Variants in PDE4D observed in about 807,000 individuals in gnomAD.
The protein encoded by PDE4D is phosphodiesterase 4D, also known as 3',5'-cyclic-AMP phosphodiesterase 4D.
Under a neutral mutation model 87.4 loss-of-function variants are expected in PDE4D, and 24 were observed. The ratio of observed to expected loss-of-function variants is 0.27; its 90% CI spans 0.20 to 0.39. The LOEUF is 0.39. PDE4D is among the 10% of genes least tolerant of loss of function. The probability of loss-of-function intolerance (pLI) is 1.00; values close to 1 mark genes in which losing one functional copy is unlikely to be tolerated. For synonymous variants in PDE4D, 384 were observed against 383.2 expected, an observed-to-expected ratio of 1.00 and a Z score of -0.02; for missense variants, 714 against 1,041.0, an observed-to-expected ratio of 0.69 and a Z score of 4.32.
intron 1 of PDE4D, among the ~76,000 whole-genome samples, chr5:60,260,394 T>TA (rs930261181): frequency 1.1e-4 from 16 of 152,046 alleles, no homozygotes; most frequent in African/African-American, 2.2e-4. Flanking sequence ...TTTTATTTTT[T>TA]AAAAAAATCA....
At chr5:59,880,261 C>T (rs997429911) in intron 1 of PDE4D, among the ~76,000 whole-genome samples, 3 of 152,052 alleles carry the variant, frequency 2.0e-5, no homozygotes, top group Non-Finnish European at 2.9e-5. Context: ...AGGTGCACGC[C>T]ACCACACCCA....
chr5:59,041,100 A>C (rs535024782), intron 5 of PDE4D, among the ~76,000 whole-genome samples: 1 of 152,286 alleles, frequency 6.6e-6, no homozygotes, highest in South Asian at 2.1e-4. Context: ...ATGGACAAAC[A>C]ACTGCCTAAA....
chr5:60,063,095 G>GAAAGAAAGAAGAAAGA (rs1554144202), intron 2 of PDE4D, among the ~76,000 whole-genome samples: 1 of 97,220 alleles, frequency 1.0e-5, no homozygotes, highest in Non-Finnish European at 2.1e-5. Flanking sequence ...AAGAAAGAAA[G>GAAAGAAAGAAGAAAGA]AAGAAAGAAA....
rs35457740 is a variant in PDE4D at position 59,570,646 on chromosome 5, CAA to C, written c.455+322520_455+322521del. Among the ~76,000 whole-genome samples, 858 of 147,064 alleles carry C rather than the reference CAA, an allele frequency of 5.8e-3. 9 individuals are homozygous for C. The highest frequency in any genetic ancestry group is 0.056 in the East Asian group (280 of 5,042). ...GGAGTATACAATGTTGACAAATATG[CAA>C]AAAAAAAAAAATTGCAAAACTCCAA... On this transcript the variant is annotated intron_variant, in intron 1 of 14. Transcript: ENST00000340635.
rs867111298 is a variant in PDE4D, at chr5:59,667,735, A to G, written c.455+225433T>C. The stretch of plus-strand genomic sequence containing the variant: ...TCTGTCCCTGAGTCTTTCCATATCT[A>G]TAGTCATCAAACTTAGCTCCACATT... On this transcript the variant is annotated intron_variant, in intron 1 of 14. Transcript: ENST00000340635. Among the ~76,000 whole-genome samples the G allele has an allele frequency of 2.0e-5, 3 of 152,124 alleles. No homozygotes were observed. The South Asian group carries it at 6.2e-4, about 32-fold the overall frequency.
At chr5:59,602,257 A>G (rs1827616887) in intron 1 of PDE4D, among the ~76,000 whole-genome samples, 1 of 152,076 alleles carries the variant, frequency 6.6e-6, no homozygotes, top group African/African-American at 2.4e-5. Context: ...AATTAAGTAT[A>G]GAAGGAATGT....
intron 1 of PDE4D, among the ~76,000 whole-genome samples, chr5:60,331,125 A>G (rs1757278135): frequency 6.6e-6 from 1 of 152,252 alleles, no homozygotes; most frequent in African/African-American, 2.4e-5. Context: ...CTGGGAAATT[A>G]TAAAAGCAAA....
At chr5:60,147,832 C>T (rs369183795) in intron 2 of PDE4D, 2 of 453,348 alleles carry the variant, frequency 4.4e-6, no homozygotes, top group East Asian at 1.4e-4. Flanking sequence ...CCATAGGCTG[C>T]TTGAGTGTCT....
chr5:59,006,507 A>T (rs536062164), intron 6 of PDE4D, among the ~76,000 whole-genome samples: 29 of 152,128 alleles, frequency 1.9e-4, no homozygotes, highest in Non-Finnish European at 3.4e-4. Flanking sequence ...GCTTGAGGCC[A>T]GGAGTTTAAG....
chr5:59,628,433 T>C (rs1831161899), intron 1 of PDE4D, among the ~76,000 whole-genome samples: 1 of 152,242 alleles, frequency 6.6e-6, no homozygotes, highest in Non-Finnish European at 1.5e-5. Flanking sequence ...TAGCCACTAA[T>C]GGATATTTAA....
At chr5:60,063,620 A>T (rs1008498849) in intron 2 of PDE4D, among the ~76,000 whole-genome samples, 3 of 152,122 alleles carry the variant, frequency 2.0e-5, no homozygotes, top group Admixed American at 2.0e-4. Context: ...GTTGTTATGA[A>T]AGCTCCCTTG....
At chr5:60,170,382 G>C (rs965834176) in intron 2 of PDE4D, among the ~76,000 whole-genome samples, 1 of 151,782 alleles carries the variant, frequency 6.6e-6, no homozygotes, top group Non-Finnish European at 1.5e-5. Context: ...AGAGTAAAAG[G>C]GAACAAACTA....
intron 1 of PDE4D, among the ~76,000 whole-genome samples, chr5:59,473,043 A>AATAT (rs1802700268): frequency 6.7e-6 from 1 of 148,682 alleles, no homozygotes; most frequent in South Asian, 2.1e-4. Context: ...CATGGCCTTT[A>AATAT]ATATAGTTAT....
At chr5:59,535,298 T>C (rs1307699864) in intron 1 of PDE4D, among the ~76,000 whole-genome samples, 1 of 152,210 alleles carries the variant, frequency 6.6e-6, no homozygotes, top group Non-Finnish European at 1.5e-5. Flanking sequence ...GAAAGTCTGA[T>C]GTCATTTTTC....
chr5:60,017,880 C>G (rs1303751020), intron 2 of PDE4D, among the ~76,000 whole-genome samples: 1 of 152,182 alleles, frequency 6.6e-6, no homozygotes, highest in East Asian at 1.9e-4. Flanking sequence ...ACACTGTCTT[C>G]CACAATGGTT....
At chr5:60,270,637 C>G (rs1268691543) in intron 1 of PDE4D, among the ~76,000 whole-genome samples, 1 of 151,944 alleles carries the variant, frequency 6.6e-6, no homozygotes, top group Non-Finnish European at 1.5e-5. Context: ...ATATAAAACA[C>G]CACCAGGAGG....
chr5:59,284,119 T>C (rs955628605), intron 1 of PDE4D, among the ~76,000 whole-genome samples: 1 of 152,186 alleles, frequency 6.6e-6, no homozygotes, highest in African/African-American at 2.4e-5. Context: ...TTTCTTTTCT[T>C]TTACCCCTCT....
chr5:59,914,864 GGGGTGTGT>G (rs1753852076), intron 3 of PDE4D, among the ~76,000 whole-genome samples: 1 of 58,018 alleles, frequency 1.7e-5, no homozygotes, highest in Non-Finnish European at 3.5e-5. Context: ...TTTACTGATA[GGGGTGTGT>G]GTGTGTGTGT....
At chr5:59,344,800 T>C (rs1188974985) in intron 1 of PDE4D, among the ~76,000 whole-genome samples, 1 of 152,216 alleles carries the variant, frequency 6.6e-6, no homozygotes, top group African/African-American at 2.4e-5. Context: ...GATATTGCTC[T>C]AATGTTTACT....
Sources: gnomAD v4.1 joint callset for allele counts (sites outside exome capture counted in the v4.1 genomes callset) on GRCh38, gnomAD v4.1.1 for gene constraint, MANE v1.5 for transcripts, NCBI Gene and HGNC (gene_info 2026-07-23, HGNC 2026-07-21) for gene names.